Variants in BCR observed in about 807,000 individuals in gnomAD.
BCR encodes the protein BCR activator of RhoGEF and GTPase, also known as breakpoint cluster region protein.
A neutral mutation model predicts 138.6 loss-of-function variants in BCR; 58 were observed. The ratio of observed to expected loss-of-function variants is 0.42; its 90% CI spans 0.34 to 0.52. The LOEUF is 0.52. BCR is among the 20% of genes least tolerant of loss of function. BCR has a pLI of 0.06. For missense variants in BCR, 1,599 were observed against 1,727.2 expected, an observed-to-expected ratio of 0.93 and a Z score of 1.32; for synonymous variants, 786 against 730.1, an observed-to-expected ratio of 1.08 and a Z score of -1.23.
chr22:23,263,480 G>T (rs1271855669), intron 4 of BCR: 5 of 1,534,376 alleles, frequency 3.3e-6, no homozygotes, highest in Non-Finnish European at 4.5e-6. Context: ...GCAGTCAGAT[G>T]CCCTGGATGC....
rs755352820 is a variant in BCR at position 23,253,910 on chromosome 22, C to T, written c.1391C>T (p.Pro464Leu). 6.2e-7 allele frequency: 1 copy of T among 1,613,242 alleles called. No individual in the cohort carries two copies. The highest frequency in any genetic ancestry group is 1.3e-5 in the African/African-American group (1 of 75,010). Reference protein sequence around the residue: ...PYIDDSPSSSPHLSSKGRGSR... With the variant: ...PYIDDSPSSSLHLSSKGRGSR... Reference sequence around the variant, plus strand: ...ATTGATGACTCGCCCTCCTCATCGCCCCACCTCAGCAGCAAGGGCAGGGGC... The same window carrying T: ...ATTGATGACTCGCCCTCCTCATCGCTCCACCTCAGCAGCAAGGGCAGGGGC... Residue 464 changes from proline to leucine, a missense_variant, in exon 2 of 23, where the codon CCC (proline) becomes CTC (leucine). By Grantham distance (98) the Pro-to-Leu change is moderately conservative. Transcript: ENST00000305877.
At chr22:23,203,060 G>C (rs192709399) in intron 1 of BCR, among the ~76,000 whole-genome samples, 1 of 152,154 alleles carries the variant, frequency 6.6e-6, no homozygotes, top group African/African-American at 2.4e-5. Flanking sequence ...GGGTCTTGCT[G>C]TGTTGCCCAG....
Position 23,273,696 on chromosome 22 carries a change from C to T in BCR, c.2037C>T (p.Arg679=), listed in dbSNP as rs1390181301. The change falls in exon 8 of 23, where the codon CGC becomes CGT. Residue 679 remains arginine, a synonymous_variant. Transcript: ENST00000305877. ...ACCCCTTGCTGCAGGACGCCCTCCG[C>T]ATCTCACAGAACTTCCTGTCCAGCA... is the stretch of plus-strand genomic sequence containing the variant. ...PDHPLLQDAL[R]ISQNFLSSIN... is the part of the protein sequence containing the mutation. The T allele has an allele frequency of 6.2e-7, 1 of 1,614,194 alleles. No homozygotes were observed. Among genetic ancestry groups the T allele is most frequent in the South Asian group, 1.1e-5 (1 of 91,090 alleles).
At chr22:23,207,026 A>G (rs77836076) in intron 1 of BCR, among the ~76,000 whole-genome samples, 8,334 of 142,278 alleles carry the variant, frequency 0.059, 784 homozygotes, top group African/African-American at 0.21. Flanking sequence ...CATCCATTCA[A>G]CATTGAACTA....
intron 8 of BCR, among the ~76,000 whole-genome samples, chr22:23,278,485 G>T (rs1260922929): frequency 6.6e-6 from 1 of 152,176 alleles, no homozygotes; most frequent in Non-Finnish European, 1.5e-5. Flanking sequence ...CCAGCACTTT[G>T]GGAGGCCGAG....
chr22:23,306,077 C>T (rs1039183904), intron 16 of BCR: 24 of 152,360 alleles, frequency 1.6e-4, no homozygotes, highest in East Asian at 9.7e-4. Context: ...CGCTCTGCGG[C>T]GCACACTCTG....
chr22:23,263,320 G>T, intron 4 of BCR: 1 of 1,184,720 alleles, frequency 8.4e-7, no homozygotes, highest in African/African-American at 1.5e-5. Context: ...TTCACCAACT[G>T]CGACCTGCTC....
At chr22:23,243,001 C>G in intron 1 of BCR, 5 of 402,122 alleles carry the variant, frequency 1.2e-5, no homozygotes, top group South Asian at 9.2e-5. Context: ...CCTGTGTCTT[C>G]TGTCTCTTTA....
intron 1 of BCR, among the ~76,000 whole-genome samples, chr22:23,191,816 G>A (rs556118657): frequency 1.3e-5 from 2 of 152,156 alleles, no homozygotes; most frequent in Non-Finnish European, 2.9e-5. Flanking sequence ...AATAAGTGGT[G>A]GTGGGTTTTT....
chr22:23,244,883 G>A (rs1018492116), intron 1 of BCR, among the ~76,000 whole-genome samples: 3 of 152,192 alleles, frequency 2.0e-5, no homozygotes, highest in Admixed American at 1.3e-4. Context: ...CCAACCTGAA[G>A]CCTAGAGCAT....
intron 4 of BCR, chr22:23,262,662 A>C (rs2073375549): frequency 3.6e-6 from 2 of 556,628 alleles, no homozygotes; most frequent in Non-Finnish European, 2.3e-6. Context: ...TTGGGCAGCC[A>C]GGGCCGCTGG....
Position 23,203,298 on chromosome 22 carries a change from A to C in BCR, c.1279+21059A>C, listed in dbSNP as rs1311597263. Among the ~76,000 whole-genome samples the C allele has an allele frequency of 2.0e-5, 3 of 152,328 alleles. No homozygotes were observed. The East Asian group carries it at 5.8e-4, about 29-fold the overall frequency. ...GGTCACCTTCCAGAAATCCTGCCCC[A>C]GTTTACCCTTGGCTTTATGGTTAAC... On this transcript the variant is annotated intron_variant, in intron 1 of 22. Transcript: ENST00000305877.
intron 1 of BCR, among the ~76,000 whole-genome samples, chr22:23,195,015 G>T (rs1458603577): frequency 6.6e-6 from 1 of 152,072 alleles, no homozygotes; most frequent in African/African-American, 2.4e-5. Context: ...GGTGGCTCAT[G>T]CCTGTAATCC....
chr22:23,316,596 A>G lies in BCR; in HGVS notation c.*1074A>G, dbSNP rs201499282. The G allele has an allele frequency of 0.02, 3,228 of 164,520 alleles. 39 individuals carry two copies. Among genetic ancestry groups the G allele is most frequent in the South Asian group, 0.047 (200 of 4,254 alleles). The allele number at this position is 164,520 out of a possible 1,614,324, so 10.2% of individuals were successfully genotyped here. ...TAAGATGCTGGAATGTAATCCCTGGACAATCCGTGTCCTGGCAGCATTTGG... is the reference window on the plus strand; with the variant it reads ...TAAGATGCTGGAATGTAATCCCTGGGCAATCCGTGTCCTGGCAGCATTTGG... On this transcript the variant is annotated 3_prime_UTR_variant, in exon 23 of 23. Transcript: ENST00000305877.
At chr22:23,211,102 T>G (rs1406546446) in intron 1 of BCR, among the ~76,000 whole-genome samples, 1 of 152,234 alleles carries the variant, frequency 6.6e-6, no homozygotes, top group Non-Finnish European at 1.5e-5. Context: ...CCAGTCTGCT[T>G]TCTGCCTCTG....
chr22:23,248,468 G>T (rs533510066), intron 1 of BCR, among the ~76,000 whole-genome samples: 2 of 151,930 alleles, frequency 1.3e-5, no homozygotes, highest in African/African-American at 4.8e-5. Flanking sequence ...TAGTCTAGGG[G>T]ATGTGACCGC....
intron 16 of BCR, chr22:23,302,758 C>T (rs2073916642): frequency 6.6e-6 from 1 of 152,270 alleles, no homozygotes; most frequent in Non-Finnish European, 1.5e-5. Flanking sequence ...AAACAAGCCC[C>T]CCAGCTGGGA....
intron 13 of BCR, 67 bp downstream of exon 13, chr22:23,289,688 T>TC (rs1341720527): frequency 4.4e-6 from 6 of 1,355,942 alleles, no homozygotes; most frequent in Middle Eastern, 3.6e-4. Context: ...TGAAGGCTGA[T>TC]CCCCCCTTCC....
chr22:23,181,355 G>C lies in BCR; in HGVS notation c.395G>C (p.Arg132Pro), dbSNP rs200084105. 1,710 of 1,505,872 alleles carry C rather than the reference G, an allele frequency of 1.1e-3. 2 individuals are homozygous for C. Among genetic ancestry groups the C allele is most frequent in the Non-Finnish European group, 1.4e-3 (1,632 of 1,134,426 alleles). 93.3% of individuals were successfully genotyped at this position (1,505,872 alleles called of 1,614,324 possible). The stretch of plus-strand genomic sequence containing the variant: ...GGTAAGGCCAGGCCCGGGACCGCCC[G>C]CAGGCCCGGGGCAGCCGCGTCGGGG... ...SPGKARPGTA[R>P]RPGAAASGER... Residue 132 changes from arginine (R) to proline (P), a missense_variant, in exon 1 of 23, where the codon CGC becomes CCC. Arg to Pro is a moderately radical substitution (Grantham distance 103). Around this residue, in one of 4 missense-constraint regions of BCR, gnomAD observed 806 missense variants for 635.0 expected, o/e 1.27. Coordinates refer to ENST00000305877, the MANE Select transcript of BCR (RefSeq NM_004327.4).
Sources: gnomAD v4.1 joint callset for allele counts (sites outside exome capture counted in the v4.1 genomes callset) on GRCh38, gnomAD v4.1.1 for gene constraint, gnomAD v4.1.1 regional missense constraint, MANE v1.5 for transcripts, NCBI Gene and HGNC (gene_info 2026-07-23, HGNC 2026-07-21) for gene names.